Variants in DCX observed in about 807,000 individuals in gnomAD.
DCX encodes the protein neuronal migration protein doublecortin.
Under a neutral mutation model 20.9 loss-of-function variants are expected in DCX, and 4 were observed. The observed-to-expected ratio is 0.19, with a 90% CI of 0.09 to 0.44. The LOEUF is 0.44. Ranked by LOEUF, DCX falls within the 20% of genes least tolerant of loss-of-function variation. The pLI is 0.99. For synonymous variants in DCX, 103 were observed against 111.4 expected (o/e 0.92, Z 0.47); for missense variants, 133 against 296.9 (o/e 0.45, Z 4.06).
chrX:111,342,780 T>C lies in DCX; in HGVS notation c.706-9627A>G, dbSNP rs188407427. Among the ~76,000 whole-genome samples, 408 of 110,342 alleles carry C rather than the reference T, an allele frequency of 3.7e-3. 3 individuals are homozygous for C. Among genetic ancestry groups the C allele is most frequent in the Admixed American group, 3.7e-3 (38 of 10,319 alleles). Reference sequence around the variant, plus strand: ...AAGAAACTCACTCAAAACCACACAATTACATGGAAATTGAACAAACTGCTC... The same window carrying C: ...AAGAAACTCACTCAAAACCACACAACTACATGGAAATTGAACAAACTGCTC... On this transcript the variant is annotated intron_variant, in intron 3 of 6. Transcript: ENST00000636035.
intron 2 of DCX, among the ~76,000 whole-genome samples, chrX:111,408,595 C>T (rs979314565): frequency 6.5e-4 from 63 of 97,383 alleles, no homozygotes; most frequent in African/African-American, 2.3e-3. Context: ...GAGCGAAACT[C>T]TGTGAAAGAA....
At chrX:111,374,003 T>G (rs1659171899) in intron 3 of DCX, among the ~76,000 whole-genome samples, 2 of 112,265 alleles carry the variant, frequency 1.8e-5, no homozygotes, top group African/African-American at 6.5e-5. Context: ...CTTAGACAAG[T>G]CCAAGCTCCT....
At chrX:111,307,711 T>C (rs1027371197) in intron 6 of DCX, among the ~76,000 whole-genome samples, 54 of 111,955 alleles carry the variant, frequency 4.8e-4, no homozygotes, top group African/African-American at 1.7e-3. Context: ...ATGAACTCCC[T>C]GGGTATTTTT....
At position 111,368,901 on chromosome X, in the gene DCX, T is replaced by TACACACACACACAC. The variant is rs200777698; in HGVS notation, c.705+32075_705+32088dup. ...CTAATACGGGATATATATATATACA[T>TACACACACACACAC]ACACACACACACACACACACACACA... On this transcript the variant is annotated intron_variant, in intron 3 of 6. Transcript: ENST00000636035. Among the ~76,000 whole-genome samples, 549 of 98,265 alleles carry TACACACACACACAC rather than the reference T, an allele frequency of 5.6e-3. 6 individuals carry two copies. The highest frequency in any genetic ancestry group is 0.02 in the African/African-American group (525 of 26,499). The allele number at this position is 98,265 out of a possible 115,157, so 85.3% of individuals were successfully genotyped here. A position where few individuals can be genotyped will look rare whatever the true frequency, so the allele number is the denominator to read the frequency against.
chrX:111,385,350 T>C (rs1926309318), intron 3 of DCX, among the ~76,000 whole-genome samples: 1 of 112,034 alleles, frequency 8.9e-6, no homozygotes, highest in Non-Finnish European at 1.9e-5. Context: ...TATTGTATTT[T>C]GACTAATGGA....
At chrX:111,333,272 TTC>T (rs1390519619) in intron 3 of DCX, 119 bp from the exon 4 acceptor site, 1 of 559,338 alleles carries the variant, frequency 1.8e-6, no homozygotes, top group Non-Finnish European at 3.1e-6. Flanking sequence ...CCCAGGAGTT[TTC>T]TCTTTCTTAA....
intron 5 of DCX, 75 bp from the exon 6 acceptor site, chrX:111,312,811 A>G: frequency 2.1e-6 from 2 of 974,999 alleles, no homozygotes; most frequent in South Asian, 2.0e-5. Context: ...TTCCCCTCAG[A>G]AGACACTAAG....
chrX:111,404,028 G>A (rs1159445898), intron 2 of DCX, among the ~76,000 whole-genome samples: 3 of 88,668 alleles, frequency 3.4e-5, no homozygotes, highest in Admixed American at 2.7e-4. Flanking sequence ...CCTGGGTGAC[G>A]GAGAGAGTGA....
At chrX:111,336,599 C>T (rs971815286) in intron 3 of DCX, among the ~76,000 whole-genome samples, 1 of 111,919 alleles carries the variant, frequency 8.9e-6, no homozygotes, top group Admixed American at 9.5e-5. Context: ...GAACTCAAAG[C>T]GCAGAGAGTC....
intron 3 of DCX, among the ~76,000 whole-genome samples, chrX:111,387,981 C>A (rs915153490): frequency 9.0e-6 from 1 of 111,713 alleles, no homozygotes; most frequent in African/African-American, 3.3e-5. Flanking sequence ...ATTAGTAAAC[C>A]TGACTGATTC....
intron 3 of DCX, among the ~76,000 whole-genome samples, chrX:111,385,278 A>T (rs974310749): frequency 1.8e-5 from 2 of 111,844 alleles, no homozygotes; most frequent in African/African-American, 3.3e-5. Context: ...CTGGTCCTAC[A>T]TTTTCTCTGT....
chrX:111,368,828 G>A (rs1428807876), intron 3 of DCX, among the ~76,000 whole-genome samples: 1 of 108,921 alleles, frequency 9.2e-6, no homozygotes, highest in Non-Finnish European at 1.9e-5. Flanking sequence ...ATTTTATTGA[G>A]ATACAATTCA....
chrX:111,409,885 T>C, intron 2 of DCX, 150 bp downstream of exon 2: 1 of 736,260 alleles, frequency 1.4e-6, no homozygotes, highest in Non-Finnish European at 2.1e-6. Flanking sequence ...ATGGTTCTGT[T>C]GATGTCTATA....
At chrX:111,385,101 A>G (rs1926280183) in intron 3 of DCX, among the ~76,000 whole-genome samples, 1 of 111,459 alleles carries the variant, frequency 9.0e-6, no homozygotes, top group African/African-American at 3.3e-5. Context: ...TGAAACATCA[A>G]CTCTTCTCTG....
intron 5 of DCX, among the ~76,000 whole-genome samples, chrX:111,327,641 C>A (rs746256910): frequency 8.9e-6 from 1 of 112,104 alleles, no homozygotes; most frequent in Non-Finnish European, 1.9e-5. Flanking sequence ...AAATCTTGCA[C>A]AAATCACAAA....
At chrX:111,386,218 G>C (rs1404650858) in intron 3 of DCX, among the ~76,000 whole-genome samples, 2 of 110,910 alleles carry the variant, frequency 1.8e-5, no homozygotes, top group Non-Finnish European at 3.8e-5. Context: ...AATGATTGCT[G>C]TCTGACCTCA....
intron 3 of DCX, among the ~76,000 whole-genome samples, chrX:111,342,703 C>T (rs1486005958): frequency 1.8e-5 from 2 of 109,537 alleles, no homozygotes; most frequent in African/African-American, 6.6e-5. Context: ...GAACTGAAAT[C>T]CTAACAAACG....
At chrX:111,343,153 T>A (rs1603417060) in intron 3 of DCX, among the ~76,000 whole-genome samples, 1 of 100,361 alleles carries the variant, frequency 1.0e-5, no homozygotes, top group African/African-American at 3.7e-5. Context: ...TTTTTTTTAA[T>A]TAACAAAATA....
At chrX:111,388,561 T>C (rs1926699191) in intron 3 of DCX, among the ~76,000 whole-genome samples, 1 of 112,504 alleles carries the variant, frequency 8.9e-6, no homozygotes, top group South Asian at 3.7e-4. Context: ...GGAATACTGG[T>C]CTAAACACAA....
Sources: allele counts gnomAD v4.1 joint callset (sites outside exome capture counted in the v4.1 genomes callset), GRCh38; gene constraint gnomAD v4.1.1; transcripts MANE v1.5; gene names NCBI Gene and HGNC (gene_info 2026-07-23, HGNC 2026-07-21).